Variants in NOS1AP observed in about 807,000 individuals in gnomAD.
NOS1AP encodes carboxyl-terminal PDZ ligand of neuronal nitric oxide synthase protein.
In NOS1AP, 21 loss-of-function variants were observed where a neutral mutation model predicts 56.2. The ratio of observed to expected loss-of-function variants is 0.37; its 90% CI spans 0.26 to 0.54. The LOEUF is 0.54. Among genes scored for constraint, NOS1AP ranks in the 20% least tolerant of loss-of-function variants. The probability of loss-of-function intolerance (pLI) is 0.84; values close to 1 mark genes in which losing one functional copy is unlikely to be tolerated. For missense variants in NOS1AP, 522 were observed against 657.8 expected, an observed-to-expected ratio of 0.79 and a Z score of 2.26; for synonymous variants, 270 against 274.6, an observed-to-expected ratio of 0.98 and a Z score of 0.17.
At chr1:162,116,284 G>A (rs1409482121) in intron 1 of NOS1AP, among the ~76,000 whole-genome samples, 2 of 152,136 alleles carry the variant, frequency 1.3e-5, no homozygotes, top group Non-Finnish European at 2.9e-5. Context: ...ATGCCCTGTG[G>A]GAGATTCCTA....
chr1:162,105,426 G>T (rs1218146669), intron 1 of NOS1AP, among the ~76,000 whole-genome samples: 2 of 152,206 alleles, frequency 1.3e-5, no homozygotes, highest in African/African-American at 2.4e-5. Flanking sequence ...CTGCCCTTTG[G>T]TAGAGCAGGT....
chr1:162,190,253 C>T (rs1308751170), intron 2 of NOS1AP, among the ~76,000 whole-genome samples: 1 of 152,214 alleles, frequency 6.6e-6, no homozygotes, highest in Non-Finnish European at 1.5e-5. Flanking sequence ...CTTGGCTCCG[C>T]CATCTCTCTA....
intron 2 of NOS1AP, among the ~76,000 whole-genome samples, chr1:162,255,262 C>G (rs533309182): frequency 6.6e-6 from 1 of 152,290 alleles, no homozygotes; most frequent in East Asian, 1.9e-4. Context: ...CCACCCCCCT[C>G]ACTCCAAACT....
intron 2 of NOS1AP, among the ~76,000 whole-genome samples, chr1:162,213,394 G>A (rs1652436988): frequency 6.6e-6 from 1 of 152,146 alleles, no homozygotes; most frequent in Admixed American, 6.5e-5. Context: ...TGAGGGAGGA[G>A]ACTCTCCCAC....
At chr1:162,359,087 A>G (rs1368509160) in intron 8 of NOS1AP, among the ~76,000 whole-genome samples, 1 of 152,176 alleles carries the variant, frequency 6.6e-6, no homozygotes, top group East Asian at 1.9e-4. Context: ...CTAGAAGACA[A>G]TGAATCTAGG....
intron 1 of NOS1AP, among the ~76,000 whole-genome samples, chr1:162,127,444 C>A (rs991806391): frequency 6.6e-6 from 1 of 151,278 alleles, no homozygotes; most frequent in South Asian, 2.1e-4. Context: ...TACTTCATCA[C>A]TAAATACTTA....
At chr1:162,336,039 A>G (rs1656930202) in intron 5 of NOS1AP, among the ~76,000 whole-genome samples, 1 of 152,092 alleles carries the variant, frequency 6.6e-6, no homozygotes, top group African/African-American at 2.4e-5. Context: ...GTGGGCTTTC[A>G]CCAGAAGCTA....
intron 1 of NOS1AP, among the ~76,000 whole-genome samples, chr1:162,145,371 TAGCACCTGGAGAGCCCCG>T (rs992071628): frequency 1.3e-5 from 2 of 152,054 alleles, no homozygotes; most frequent in African/African-American, 4.8e-5. Context: ...CCTTACACCC[TAGCACCTGGAGAGCCCCG>T]AGCAAGCCTC....
intron 1 of NOS1AP, among the ~76,000 whole-genome samples, chr1:162,116,993 G>T (rs563290878): frequency 1.3e-5 from 2 of 152,048 alleles, no homozygotes; most frequent in Non-Finnish European, 2.9e-5. Flanking sequence ...TCCATTGTCC[G>T]AATCAAAATC....
chr1:162,095,979 C>G (rs1390930680), intron 1 of NOS1AP, among the ~76,000 whole-genome samples: 3 of 152,186 alleles, frequency 2.0e-5, no homozygotes, highest in Non-Finnish European at 4.4e-5. Context: ...CTCCAGTCTC[C>G]TGTCTTCTAA....
intron 1 of NOS1AP, among the ~76,000 whole-genome samples, chr1:162,146,697 A>G (rs1348622725): frequency 6.6e-6 from 1 of 152,194 alleles, no homozygotes; most frequent in Non-Finnish European, 1.5e-5. Context: ...TTTTAAAGTT[A>G]CTATTATTAT....
intron 4 of NOS1AP, among the ~76,000 whole-genome samples, chr1:162,313,580 G>A (rs896595095): frequency 6.6e-6 from 1 of 152,206 alleles, no homozygotes; most frequent in African/African-American, 2.4e-5. Flanking sequence ...GGCTTGGAAT[G>A]CAACTCATCC....
chr1:162,369,993 G>C lies in NOS1AP; in HGVS notation c.*2526G>C, dbSNP rs143733517. ...CTTCTTGCTCTGCTAACTCAACTCT[G>C]CCTTCCTCTTTTTCATTCTTCTACT... On this transcript the variant is annotated 3_prime_UTR_variant, in exon 10 of 10. Transcript: ENST00000361897. 6.6e-6 allele frequency: 1 copy of C among 152,520 alleles called. No individual in the cohort carries two copies. The highest frequency in any genetic ancestry group is 1.9e-4 in the East Asian group (1 of 5,172). 9.4% of individuals were successfully genotyped at this position (152,520 alleles called of 1,614,324 possible).
chr1:162,112,263 G>A (rs1647739859), intron 1 of NOS1AP, among the ~76,000 whole-genome samples: 1 of 152,112 alleles, frequency 6.6e-6, no homozygotes, highest in Non-Finnish European at 1.5e-5. Context: ...TTTTTACTTG[G>A]CATGGCCAAC....
chr1:162,241,659 A>C (rs895743877), intron 2 of NOS1AP, among the ~76,000 whole-genome samples: 1 of 151,794 alleles, frequency 6.6e-6, no homozygotes, highest in African/African-American at 2.4e-5. Flanking sequence ...GAGAATCTGC[A>C]CTCCCCCTGA....
intron 4 of NOS1AP, among the ~76,000 whole-genome samples, chr1:162,309,639 G>C (rs977170563): frequency 2.0e-5 from 3 of 152,138 alleles, no homozygotes; most frequent in African/African-American, 7.2e-5. Flanking sequence ...AGAAAGACTT[G>C]CATTTATCAG....
At chr1:162,172,696 G>T (rs1459127146) in intron 2 of NOS1AP, among the ~76,000 whole-genome samples, 1 of 152,092 alleles carries the variant, frequency 6.6e-6, no homozygotes, top group East Asian at 1.9e-4. Context: ...GGTGAGGAAA[G>T]GTTTTTTTTG....
chr1:162,359,723 G>GC (rs934510755), intron 8 of NOS1AP, among the ~76,000 whole-genome samples: 8 of 151,424 alleles, frequency 5.3e-5, no homozygotes, highest in African/African-American at 2.0e-4. Context: ...TCTACGCGGG[G>GC]GGGGGCTGAT....
intron 2 of NOS1AP, among the ~76,000 whole-genome samples, chr1:162,240,920 G>A (rs1333574404): frequency 1.3e-5 from 2 of 152,214 alleles, no homozygotes; most frequent in African/African-American, 4.8e-5. Flanking sequence ...AATGCCATGA[G>A]TGCACACTGG....
Sources: allele counts gnomAD v4.1 joint callset (sites outside exome capture counted in the v4.1 genomes callset), GRCh38; gene constraint gnomAD v4.1.1; transcripts MANE v1.5; gene names NCBI Gene and HGNC (gene_info 2026-07-23, HGNC 2026-07-21).